The following DCUN1D1 variants were observed in gnomAD, a reference collection of about 807,000 sequenced individuals.
DCUN1D1 encodes the protein defective in cullin neddylation 1 domain containing 1.
DCUN1D1 carries 3 observed loss-of-function variants against 39.0 expected under a neutral mutation model. The observed-to-expected ratio is 0.08, with a 90% CI of 0.04 to 0.20. DCUN1D1 has a LOEUF of 0.20. Among genes scored for constraint, DCUN1D1 ranks in the 10% least tolerant of loss-of-function variants. The pLI, the probability that DCUN1D1 is intolerant of heterozygous loss-of-function variation, is 1.00. For synonymous variants in DCUN1D1, 82 were observed against 96.3 expected, an observed-to-expected ratio of 0.85 and a Z score of 0.87; for missense variants, 158 against 302.4, an observed-to-expected ratio of 0.52 and a Z score of 3.54.
At chr3:182,970,637 C>A (rs1055265083) in intron 1 of DCUN1D1, among the ~76,000 whole-genome samples, 2 of 152,182 alleles carry the variant, frequency 1.3e-5, no homozygotes, top group African/African-American at 4.8e-5. Context: ...GAATCTAGCT[C>A]ACAAAAGTCA....
At chr3:182,970,447 TAA>T (rs1306495704) in intron 1 of DCUN1D1, among the ~76,000 whole-genome samples, 5 of 152,220 alleles carry the variant, frequency 3.3e-5, no homozygotes, top group Non-Finnish European at 7.3e-5. Context: ...GTAATTTTAA[TAA>T]GTGATTTTTT....
intron 6 of DCUN1D1, among the ~76,000 whole-genome samples, chr3:182,945,767 A>C (rs1323179167): frequency 6.6e-6 from 1 of 152,218 alleles, no homozygotes; most frequent in African/African-American, 2.4e-5. Flanking sequence ...ATTTCATGCT[A>C]ATACGTTACT....
upstream of DCUN1D1, among the ~76,000 whole-genome samples, chr3:182,984,577 A>C (rs1043863784): frequency 5.3e-5 from 8 of 151,966 alleles, no homozygotes; most frequent in African/African-American, 2.4e-5. Context: ...TATCTTGTCT[A>C]TCTCTCCTCC....
At chr3:182,981,903 C>T (rs1235963913), upstream of DCUN1D1, among the ~76,000 whole-genome samples, 1 of 152,342 alleles carries the variant, frequency 6.6e-6, no homozygotes, top group Non-Finnish European at 1.5e-5. Flanking sequence ...AAGCTCCTTG[C>T]TGGGCTCTGG....
At chr3:182,949,891 G>A (rs191125310) in intron 4 of DCUN1D1, among the ~76,000 whole-genome samples, 22 of 152,192 alleles carry the variant, frequency 1.4e-4, no homozygotes, top group Non-Finnish European at 2.4e-4. Flanking sequence ...CTGCTAAGTC[G>A]ACAAACTTCC....
intron 2 of DCUN1D1, among the ~76,000 whole-genome samples, chr3:182,964,836 T>C (rs546689805): frequency 2.0e-5 from 3 of 152,102 alleles, no homozygotes; most frequent in Non-Finnish European, 4.4e-5. Context: ...AGACAGGGTT[T>C]TACCATATTG....
rs1726319767 is a variant in DCUN1D1 at position 182,944,980 on chromosome 3, G to C, written c.*114C>G. 2.3e-6 allele frequency: 2 copies of C among 861,322 alleles called. No homozygotes were observed. Among genetic ancestry groups the C allele is most frequent in the Non-Finnish European group, 1.9e-6 (1 of 538,136 alleles). The allele number at this position is 861,322 out of a possible 1,614,324, so 53.4% of individuals were successfully genotyped here. On this transcript the variant is annotated 3_prime_UTR_variant, in exon 7 of 7. Transcript: ENST00000292782. ...CCTTAAAGTTTTGTCTCAACCCTCA[G>C]TCTGAATTGTGAGGATTGATCTTCA...
chr3:182,951,235 CTTTAAG>C (rs1011659340), intron 4 of DCUN1D1, among the ~76,000 whole-genome samples: 2 of 151,972 alleles, frequency 1.3e-5, no homozygotes, highest in South Asian at 2.1e-4. Flanking sequence ...ACTTTAAATG[CTTTAAG>C]TTTATCAGAA....
At chr3:182,952,853 A>G (rs1344813045) in intron 4 of DCUN1D1, among the ~76,000 whole-genome samples, 2 of 152,192 alleles carry the variant, frequency 1.3e-5, no homozygotes, top group East Asian at 3.8e-4. Flanking sequence ...TAACTAAATC[A>G]CTGGGATAGC....
rs1726461391 is a variant in DCUN1D1 at position 182,947,259 on chromosome 3, T to G, written c.679A>C (p.Met227Leu). 1.2e-6 allele frequency: 2 copies of G among 1,605,024 alleles called. No homozygotes were observed. Among genetic ancestry groups the G allele is most frequent in the Non-Finnish European group, 1.7e-6 (2 of 1,176,776 alleles). Residue 227 changes from methionine to leucine, a missense_variant, in exon 6 of 7, where the codon ATG (methionine) becomes CTG (leucine). Met to Leu is a conservative substitution (Grantham distance 15). This residue lies in a region of DCUN1D1 where 14 missense variants were observed against 48.0 expected (regional missense o/e 0.29). Transcript: ENST00000292782. ...TTACCTTCTTCATCATAATTAGACA[T>G]GTCATCTGCAATCATCGTACTGAAG... ...LDFSTMIADD[M>L]SNYDEEGAWP...
upstream of DCUN1D1, chr3:182,980,661 A>G (rs1728502799): frequency 4.8e-6 from 4 of 835,914 alleles, no homozygotes; most frequent in African/African-American, 1.9e-5. Flanking sequence ...GGAGGGACGG[A>G]GGCAGGCGGA....
At position 182,939,216 on chromosome 3, in the gene DCUN1D1, T is replaced by C. The variant is rs1726027936; in HGVS notation, c.*5878A>G. 1 of 152,142 alleles carries C rather than the reference T, an allele frequency of 6.6e-6. No homozygotes were observed. The highest frequency in any genetic ancestry group is 2.1e-4 in the South Asian group (1 of 4,832). 9.4% of individuals were successfully genotyped at this position (152,142 alleles called of 1,614,324 possible). A position where few individuals can be genotyped will look rare whatever the true frequency, so the allele number is the denominator to read the frequency against. On this transcript the variant is annotated 3_prime_UTR_variant, in exon 7 of 7. Transcript: ENST00000292782. ...TGGCTGCAATAAAAAAGACAAGTAT[T>C]GGCAAGGATGTGCAGACACGGCAGT...
At chr3:182,948,037 A>C (rs1726507426) in intron 4 of DCUN1D1, among the ~76,000 whole-genome samples, 1 of 152,184 alleles carries the variant, frequency 6.6e-6, no homozygotes, top group African/African-American at 2.4e-5. Context: ...GAAATTTAGC[A>C]ATATCTCTGA....
chr3:182,975,229 T>C (rs773796216), intron 1 of DCUN1D1, among the ~76,000 whole-genome samples: 56 of 149,886 alleles, frequency 3.7e-4, no homozygotes, highest in Non-Finnish European at 7.1e-4. Flanking sequence ...CAGGCTGGAG[T>C]GCAGTGGTGC....
At chr3:182,975,455 T>C (rs184715866) in intron 1 of DCUN1D1, among the ~76,000 whole-genome samples, 258 of 151,790 alleles carry the variant, frequency 1.7e-3, no homozygotes, top group East Asian at 8.1e-3. Context: ...GGATTACAGG[T>C]GTGAGCCACC....
rs543561458 is a variant in DCUN1D1 at position 182,940,833 on chromosome 3, T to C, written c.*4261A>G. 4.6e-5 allele frequency: 7 copies of C among 152,200 alleles called. No homozygotes were observed. The highest frequency in any genetic ancestry group is 8.8e-5 in the Non-Finnish European group (6 of 68,026). The allele number at this position is 152,200 out of a possible 1,614,324, so 9.4% of individuals were successfully genotyped here. On this transcript the variant is annotated 3_prime_UTR_variant, in exon 7 of 7. Transcript: ENST00000292782. ...TGTAAGTAAATAGAAAATTGGGCTATACTTAAAAACACTTTTAAAATCTCA... is the reference window on the plus strand; with the variant it reads ...TGTAAGTAAATAGAAAATTGGGCTACACTTAAAAACACTTTTAAAATCTCA...
intron 2 of DCUN1D1, among the ~76,000 whole-genome samples, chr3:182,964,549 T>A (rs1011013077): frequency 6.6e-6 from 1 of 151,166 alleles, no homozygotes; most frequent in Non-Finnish European, 1.5e-5. Flanking sequence ...TCTATACTTA[T>A]CAGAGAGGCA....
rs1159639230 is a variant in DCUN1D1, at chr3:182,942,924, T to A, written c.*2170A>T. 6.6e-6 allele frequency: 1 copy of A among 152,446 alleles called. No homozygotes were observed. Among genetic ancestry groups the A allele is most frequent in the Admixed American group, 6.6e-5 (1 of 15,240 alleles). The allele number at this position is 152,446 out of a possible 1,614,324, so 9.4% of individuals were successfully genotyped here. A position where few individuals can be genotyped will look rare whatever the true frequency, so the allele number is the denominator to read the frequency against. ...TCATAGTGAACAACCTTAACTTTTATGCTACATAATTATATTCAAAGCTTT... is the reference window on the plus strand; with the variant it reads ...TCATAGTGAACAACCTTAACTTTTAAGCTACATAATTATATTCAAAGCTTT... On this transcript the variant is annotated 3_prime_UTR_variant, in exon 7 of 7. Coordinates refer to ENST00000292782, the MANE Select transcript of DCUN1D1 (RefSeq NM_020640.4).
At position 182,943,864 on chromosome 3, in the gene DCUN1D1, C is replaced by T. The variant is rs551022704; in HGVS notation, c.*1230G>A. ...GAAAACTGAGCTAATCTGAGTGAAA[C>T]GAAAACAGTAAAGAGACTAGAAGCC... On this transcript the variant is annotated 3_prime_UTR_variant, in exon 7 of 7. Coordinates refer to ENST00000292782, the MANE Select transcript of DCUN1D1 (RefSeq NM_020640.4). The T allele has an allele frequency of 3.3e-5, 5 of 152,544 alleles. No homozygotes were observed. Among genetic ancestry groups the T allele is most frequent in the South Asian group, 2.1e-4 (1 of 4,826 alleles). 9.4% of individuals were successfully genotyped at this position (152,544 alleles called of 1,614,324 possible). A position where few individuals can be genotyped will look rare whatever the true frequency, so the allele number is the denominator to read the frequency against.
Sources: gnomAD v4.1 joint callset for allele counts (sites outside exome capture counted in the v4.1 genomes callset) on GRCh38, gnomAD v4.1.1 for gene constraint, gnomAD v4.1.1 regional missense constraint, MANE v1.5 for transcripts, NCBI Gene and HGNC (gene_info 2026-07-23, HGNC 2026-07-21) for gene names.